The following SFXN3 variants were observed in gnomAD, a reference collection of about 807,000 sequenced individuals.
SFXN3 encodes sideroflexin-3.
SFXN3 carries 31 observed loss-of-function variants against 40.4 expected under a neutral mutation model. That is an observed-to-expected ratio of 0.77 (90% CI 0.58 to 1.04). SFXN3 has a LOEUF of 1.04. SFXN3 is among the 50% of genes least tolerant of loss of function. The probability of loss-of-function intolerance (pLI) is 0.00; values close to 1 mark genes in which losing one functional copy is unlikely to be tolerated. For synonymous variants in SFXN3, 157 were observed against 160.0 expected (o/e 0.98, Z 0.14); for missense variants, 366 against 408.2 (o/e 0.90, Z 0.89).
At chr10:101,037,603 G>T in intron 9 of SFXN3, 172 bp downstream of exon 9, 1 of 1,497,236 alleles carries the variant, frequency 6.7e-7, no homozygotes, top group Non-Finnish European at 8.9e-7. Flanking sequence ...CTGGGCTGGG[G>T]TGAAGGAACT....
exon 3 of SFXN3, chr10:101,034,794 C>G: frequency 6.2e-7 from 1 of 1,614,164 alleles, no homozygotes; most frequent in African/African-American, 1.3e-5. Flanking sequence ...TACTGATCCT[C>G]GAAATCTGCT....
Position 101,036,075 on chromosome 10 carries a change from C to T in SFXN3, c.405C>T (p.Arg135=). The change falls in exon 5 of 12, where the codon CGC becomes CGT. Residue 135 remains arginine, a synonymous_variant. Coordinates refer to ENST00000393459, the Ensembl canonical transcript of SFXN3. This position sits in a 1 kb window ranked among gnomAD's most constrained non-coding sequence, Gnocchi z 4.2. ...ATGCCATTGTTAACTACTCCAACCGCAGTGGTGACACTCCCATCACTGTGA... is the reference window on the plus strand; with the variant it reads ...ATGCCATTGTTAACTACTCCAACCGTAGTGGTGACACTCCCATCACTGTGA... The T allele has an allele frequency of 6.2e-7, 1 of 1,613,974 alleles. No homozygotes were observed.
chr10:101,033,821 A>G (rs1938447985), intron 2 of SFXN3, among the ~76,000 whole-genome samples: 1 of 152,150 alleles, frequency 6.6e-6, no homozygotes. Flanking sequence ...CTATGTCATA[A>G]TTAGGTTCAA....
intron 9 of SFXN3, chr10:101,037,979 G>A: frequency 4.6e-6 from 2 of 430,418 alleles, no homozygotes; most frequent in Non-Finnish European, 6.3e-6. Flanking sequence ...AAACAAGGAG[G>A]CACCCAATAA....
intron 2 of SFXN3, among the ~76,000 whole-genome samples, chr10:101,033,575 T>C (rs2134191979): frequency 6.6e-6 from 1 of 152,132 alleles, no homozygotes; most frequent in South Asian, 2.1e-4. Context: ...GTATTTCTAG[T>C]AGGGTGGGAC....
At position 101,037,405 on chromosome 10, in the gene SFXN3, ACT is replaced by A. The variant is rs754947240; in HGVS notation, c.748_749del (p.Leu250GlyfsTer57). The A allele has an allele frequency of 3.1e-4, 498 of 1,613,862 alleles. No homozygotes were observed. The highest frequency in any genetic ancestry group is 4.0e-4 in the Non-Finnish European group (475 of 1,179,982). On this transcript the variant is annotated frameshift_variant, in exon 9 of 12. Coordinates refer to ENST00000393459, the Ensembl canonical transcript of SFXN3. LOFTEE classifies it high-confidence loss of function. Reference sequence around the variant, plus strand: ...AGCCATCCCACCACTGATCATGGACACTCTGGAGAAGAAAGACTTCCTGAAGG... The same window carrying A: ...AGCCATCCCACCACTGATCATGGACACTGGAGAAGAAAGACTTCCTGAAGG...
At position 101,035,648 on chromosome 10, in the gene SFXN3, T is replaced by A. The variant is rs748127107; in HGVS notation, c.313T>A (p.Cys105Ser). Reference sequence around the variant, plus strand: ...GCCCATGAACATGACCATCACTGGCTGCATGCTCACATTCTACAGGCAGGT... The same window carrying A: ...GCCCATGAACATGACCATCACTGGCAGCATGCTCACATTCTACAGGCAGGT... Residue 105 changes from cysteine to serine, a missense_variant, in exon 4 of 12, where the codon TGC (cysteine) becomes AGC (serine). Coordinates refer to ENST00000393459, the Ensembl canonical transcript of SFXN3. The A allele has an allele frequency of 3.1e-6, 5 of 1,612,108 alleles. No individual in the cohort carries two copies. In the African/African-American group the frequency reaches 6.7e-5, roughly 22 times the overall value.
chr10:101,032,285 T>C, intron 1 of SFXN3, 29 bp from the exon 2 acceptor site: 1 of 585,256 alleles, frequency 1.7e-6, no homozygotes, highest in Middle Eastern at 4.7e-4. Flanking sequence ...GCTGGGGGCA[T>C]CGCCTCGAAT....
In SFXN3 at chr10:101,039,335, C is replaced by T; in HGVS notation, c.869+113C>T. On this transcript the variant is annotated intron_variant, in intron 11 of 11. Transcript: ENST00000393459. This position sits in a 1 kb window ranked among gnomAD's most constrained non-coding sequence, Gnocchi z 4.6. Reference sequence around the variant, plus strand: ...AGGAGGAGGCCTGGCAGGCACTCCACTGATTCTGGGAGTGGGGGAATGACA... The same window carrying T: ...AGGAGGAGGCCTGGCAGGCACTCCATTGATTCTGGGAGTGGGGGAATGACA... The T allele has an allele frequency of 8.2e-7, 1 of 1,217,474 alleles. No individual in the cohort carries two copies. The highest frequency in any genetic ancestry group is 1.2e-6 in the Non-Finnish European group (1 of 834,302). 75.4% of individuals were successfully genotyped at this position (1,217,474 alleles called of 1,614,324 possible).
At chr10:101,038,296 C>G in intron 9 of SFXN3, 2 of 1,224,996 alleles carry the variant, frequency 1.6e-6, no homozygotes, top group South Asian at 4.0e-5. Context: ...ATTCATGCCA[C>G]TGGGATGGGA....
At chr10:101,038,338 T>G in intron 9 of SFXN3, 1 of 1,313,006 alleles carries the variant, frequency 7.6e-7, no homozygotes, top group Non-Finnish European at 9.8e-7. Context: ...GGAGGTTTCC[T>G]GAAGAAATCA....
intron 9 of SFXN3, chr10:101,037,735 C>A: frequency 7.5e-7 from 1 of 1,330,940 alleles, no homozygotes; most frequent in Non-Finnish European, 9.7e-7. Flanking sequence ...CATTCTTTTA[C>A]CCCCTAGTGC....
At chr10:101,032,244 A>C (rs1938282410) in intron 1 of SFXN3, 70 bp from the exon 2 acceptor site, 8 of 489,156 alleles carry the variant, frequency 1.6e-5, no homozygotes, top group Non-Finnish European at 2.2e-5. Flanking sequence ...GGCTCTGGGA[A>C]GCAGCTTAGG....
At chr10:101,034,755 C>T (rs778597017) in exon 3 of SFXN3, 1 of 1,614,200 alleles carries the variant, frequency 6.2e-7, no homozygotes, top group African/African-American at 1.3e-5. Context: ...AAGTACTTTC[C>T]TGGGCAGAGC....
In SFXN3 at chr10:101,039,168, C is replaced by A. The variant is rs1938770793; in HGVS notation, c.822-7C>A. 1 of 1,607,516 alleles carries A rather than the reference C, an allele frequency of 6.2e-7. No homozygotes were observed. Among genetic ancestry groups the A allele is most frequent in the African/African-American group, 1.3e-5 (1 of 74,786 alleles). ...TTACAAACCTTTCCAACACTTGTCT[C>A]CCCCAGCCTGGTATTTGCAACCCCC... On this transcript the variant is annotated splice_polypyrimidine_tract_variant and splice_region_variant and intron_variant, in intron 10 of 11. Transcript: ENST00000393459. The surrounding 1 kb of genome is among the most constrained non-coding windows in gnomAD (Gnocchi z 4.6).
chr10:101,037,768 G>A (rs1039068666), intron 9 of SFXN3: 14 of 1,239,850 alleles, frequency 1.1e-5, no homozygotes, highest in East Asian at 8.0e-5. Flanking sequence ...AGGTACACAC[G>A]GGTGAACACG....
Position 101,036,379 on chromosome 10 carries a change from C to A in SFXN3, c.432-107C>A. ...GAGGGAAGGCTTCTTCTGCAAGGAGCTTCCCCTTTTATGCCTCATGTATTG... is the reference window on the plus strand; with the variant it reads ...GAGGGAAGGCTTCTTCTGCAAGGAGATTCCCCTTTTATGCCTCATGTATTG... On this transcript the variant is annotated intron_variant, in intron 5 of 11. Transcript: ENST00000393459. This position sits in a 1 kb window ranked among gnomAD's most constrained non-coding sequence, Gnocchi z 4.2. 1 of 1,082,260 alleles carries A rather than the reference C, an allele frequency of 9.2e-7. No homozygotes were observed. Among genetic ancestry groups the A allele is most frequent in the Non-Finnish European group, 1.4e-6 (1 of 724,076 alleles). 67.0% of individuals were successfully genotyped at this position (1,082,260 alleles called of 1,614,324 possible).
At chr10:101,034,775 T>C (rs1396015894) in exon 3 of SFXN3, 7 of 1,614,106 alleles carry the variant, frequency 4.3e-6, no homozygotes, top group South Asian at 1.1e-5. Flanking sequence ...CCCGGCACTT[T>C]TTCACTGTTA....
rs773010433 is a variant in SFXN3 at position 101,036,683 on chromosome 10, A to G, written c.508-40A>G. On this transcript the variant is annotated intron_variant, in intron 6 of 11. Transcript: ENST00000393459. This position sits in a 1 kb window ranked among gnomAD's most constrained non-coding sequence, Gnocchi z 4.2. ...TCTCCCCAGAGTCCCTCACCACCCC[A>G]TGGCCCTTAGGGCCACTGAACAACA... 6.2e-7 allele frequency: 1 copy of G among 1,604,854 alleles called. No homozygotes were observed. The highest frequency in any genetic ancestry group is 1.7e-5 in the Admixed American group (1 of 59,752).
Sources: gnomAD v4.1 joint callset for allele counts (sites outside exome capture counted in the v4.1 genomes callset) on GRCh38, gnomAD v4.1.1 for gene constraint, Gnocchi (gnomAD v3.1) non-coding constraint, MANE v1.5 for transcripts, NCBI Gene and HGNC (gene_info 2026-07-23, HGNC 2026-07-21) for gene names.